The following KIAA1217 variants were observed in gnomAD, a reference collection of about 807,000 sequenced individuals.
The protein encoded by KIAA1217 is sickle tail protein homolog.
KIAA1217 carries 88 observed loss-of-function variants against 163.9 expected under a neutral mutation model. The ratio of observed to expected loss-of-function variants is 0.54; its 90% CI spans 0.45 to 0.64. The LOEUF (loss-of-function observed/expected upper bound fraction) is 0.64, where lower values mean the gene tolerates loss of function less well. Among genes scored for constraint, KIAA1217 ranks in the 30% least tolerant of loss-of-function variants. KIAA1217 has a pLI of 0.00. For synonymous variants in KIAA1217, 903 were observed against 923.1 expected (o/e 0.98, Z 0.39); for missense variants, 2,372 against 2,475.0 (o/e 0.96, Z 0.88).
intron 2 of KIAA1217, among the ~76,000 whole-genome samples, chr10:24,223,246 G>A (rs183833152): frequency 2.6e-5 from 4 of 152,240 alleles, no homozygotes; most frequent in East Asian, 1.9e-4. Flanking sequence ...GAGTTGCTCT[G>A]GTTCAAACGC....
rs906034244 is a variant in KIAA1217, at chr10:24,397,135, G to A, written c.553+16068G>A. Among the ~76,000 whole-genome samples the A allele has an allele frequency of 5.2e-4, 68 of 131,264 alleles. No homozygotes were observed. In the Middle Eastern group the frequency reaches 0.019, roughly 36 times the overall value. The allele number at this position is 131,264 out of a possible 152,430, so 86.1% of individuals were successfully genotyped here. On this transcript the variant is annotated intron_variant, in intron 3 of 20. Coordinates refer to ENST00000376454, the MANE Select transcript of KIAA1217 (RefSeq NM_019590.5). The stretch of plus-strand genomic sequence containing the variant: ...TTTTTTTTTTTTTTTTTTTTGAGAC[G>A]GAGTCTCACTCTGTCACCCAGGCTG...
intron 2 of KIAA1217, among the ~76,000 whole-genome samples, chr10:24,341,036 C>T (rs1371889621): frequency 1.3e-5 from 2 of 151,070 alleles, no homozygotes; most frequent in Admixed American, 1.3e-4. Flanking sequence ...GCTTTGCTTT[C>T]CTTCCCTATA....
chr10:23,825,241 A>G (rs1837845102), intron 1 of KIAA1217, among the ~76,000 whole-genome samples: 2 of 152,250 alleles, frequency 1.3e-5, no homozygotes, highest in Admixed American at 1.3e-4. Flanking sequence ...CATAACACAT[A>G]GTTTAAAGTG....
chr10:23,992,753 A>T (rs1846274908), intron 1 of KIAA1217, among the ~76,000 whole-genome samples: 1 of 151,578 alleles, frequency 6.6e-6, no homozygotes, highest in South Asian at 2.1e-4. Flanking sequence ...GTTGGCCCCT[A>T]CAAATGCACG....
chr10:23,958,413 A>G (rs1686874379), intron 1 of KIAA1217, among the ~76,000 whole-genome samples: 1 of 152,208 alleles, frequency 6.6e-6, no homozygotes, highest in Non-Finnish European at 1.5e-5. Context: ...ACAGGATTTT[A>G]GCAGTGCTTT....
At chr10:23,696,324 T>C (rs1306119826) in intron 1 of KIAA1217, among the ~76,000 whole-genome samples, 1 of 152,178 alleles carries the variant, frequency 6.6e-6, no homozygotes, top group Non-Finnish European at 1.5e-5. Context: ...GAATTTGATA[T>C]TAAATTTGAT....
chr10:24,374,053 T>A (rs2052096224), intron 2 of KIAA1217, among the ~76,000 whole-genome samples: 1 of 152,244 alleles, frequency 6.6e-6, no homozygotes, highest in Admixed American at 6.5e-5. Context: ...GTCTGGGTAC[T>A]CTTTGGATGG....
chr10:24,414,291 A>T (rs909069356), intron 3 of KIAA1217, among the ~76,000 whole-genome samples: 1 of 152,232 alleles, frequency 6.6e-6, no homozygotes, highest in Admixed American at 6.5e-5. Flanking sequence ...TTGTTATATA[A>T]GCATAATGTT....
At chr10:24,118,637 TAC>T (rs2063157146) in intron 2 of KIAA1217, among the ~76,000 whole-genome samples, 1 of 151,898 alleles carries the variant, frequency 6.6e-6, no homozygotes, top group Admixed American at 6.5e-5. Flanking sequence ...CGGAGACAGT[TAC>T]ACTCTGAATT....
chr10:23,926,602 G>A (rs1843030418), intron 1 of KIAA1217, among the ~76,000 whole-genome samples: 1 of 152,072 alleles, frequency 6.6e-6, no homozygotes, highest in Non-Finnish European at 1.5e-5. Flanking sequence ...GCAGGCGCCT[G>A]TAATCCCAGC....
intron 2 of KIAA1217, among the ~76,000 whole-genome samples, chr10:24,142,031 A>G (rs1403710191): frequency 6.6e-6 from 1 of 151,990 alleles, no homozygotes; most frequent in African/African-American, 2.4e-5. Flanking sequence ...ATATTAGTTC[A>G]TCATATAATC....
chr10:24,232,500 G>A (rs978378845), intron 2 of KIAA1217, among the ~76,000 whole-genome samples: 1 of 152,170 alleles, frequency 6.6e-6, no homozygotes, highest in Non-Finnish European at 1.5e-5. Context: ...GGTAGGTGGG[G>A]AAGTATGGAA....
At chr10:24,085,195 G>A (rs918660642) in intron 2 of KIAA1217, among the ~76,000 whole-genome samples, 5 of 152,168 alleles carry the variant, frequency 3.3e-5, no homozygotes, top group African/African-American at 1.2e-4. Flanking sequence ...ATTACCGCGT[G>A]AGCCACCGCG....
rs1239083321 is a variant in KIAA1217, at chr10:23,770,782, C to G, written c.-321+75548C>G. On this transcript the variant is annotated intron_variant, in intron 1 of 18. Transcript: ENST00000376462. ...TGTGCATGGATTGACCTTTGATCTCCAGTGGCTCTCCAGGCTTCACCTGTT... is the reference window on the plus strand; with the variant it reads ...TGTGCATGGATTGACCTTTGATCTCGAGTGGCTCTCCAGGCTTCACCTGTT... Among the ~76,000 whole-genome samples, 5 of 152,294 alleles carry G rather than the reference C, an allele frequency of 3.3e-5. No individual in the cohort carries two copies. The East Asian group carries it at 9.7e-4, about 29-fold the overall frequency.
At chr10:23,984,372 TTAAC>T (rs1435172507) in intron 1 of KIAA1217, among the ~76,000 whole-genome samples, 2 of 152,192 alleles carry the variant, frequency 1.3e-5, no homozygotes, top group African/African-American at 2.4e-5. Flanking sequence ...CCTTGTCAAT[TTAAC>T]TATCTCAAAA....
intron 4 of KIAA1217, 124 bp from the exon 5 acceptor site, chr10:24,438,262 G>T: frequency 3.0e-6 from 2 of 659,862 alleles, no homozygotes; most frequent in Admixed American, 4.9e-5. Context: ...TTTGACTGGC[G>T]TACTGTAGAT....
intron 6 of KIAA1217, among the ~76,000 whole-genome samples, chr10:24,483,924 G>A (rs1028065595): frequency 6.6e-6 from 1 of 151,984 alleles, no homozygotes; most frequent in Admixed American, 6.6e-5. Context: ...AACAGGAAGT[G>A]AAGTGCCTCA....
At chr10:23,926,234 A>G (rs7893219) in intron 1 of KIAA1217, among the ~76,000 whole-genome samples, 23,399 of 152,166 alleles carry the variant, frequency 0.15, 3,898 homozygotes, top group African/African-American at 0.42. Flanking sequence ...CTGGGAAAAA[A>G]TAAAATACAG....
intron 1 of KIAA1217, among the ~76,000 whole-genome samples, chr10:23,984,115 A>T (rs1845877069): frequency 6.6e-6 from 1 of 152,212 alleles, no homozygotes; most frequent in Non-Finnish European, 1.5e-5. Context: ...CTTTGATTAC[A>T]TCTAGTTCTG....
Sources: gnomAD v4.1 joint callset for allele counts (sites outside exome capture counted in the v4.1 genomes callset) on GRCh38, gnomAD v4.1.1 for gene constraint, MANE v1.5 for transcripts, NCBI Gene and HGNC (gene_info 2026-07-23, HGNC 2026-07-21) for gene names.